Variants in PHACTR2 observed in about 807,000 individuals in gnomAD.
The protein encoded by PHACTR2 is chromosome 6 open reading frame 56.
PHACTR2 carries 30 observed loss-of-function variants against 76.0 expected under a neutral mutation model. The ratio of observed to expected loss-of-function variants is 0.39; its 90% CI spans 0.30 to 0.54. The LOEUF is 0.54. Among genes scored for constraint, PHACTR2 ranks in the 20% least tolerant of loss-of-function variants. The pLI is 0.61. For synonymous variants in PHACTR2, 292 were observed against 292.5 expected (o/e 1.00, Z 0.02); for missense variants, 696 against 781.1 (o/e 0.89, Z 1.30).
intron 1 of PHACTR2, among the ~76,000 whole-genome samples, chr6:143,637,290 T>C (rs540667855): frequency 2.4e-4 from 37 of 151,944 alleles, no homozygotes; most frequent in Non-Finnish European, 5.1e-4. Flanking sequence ...CTTTTGTTTT[T>C]CTAAGTTAAC....
In PHACTR2 at chr6:143,700,968, T is replaced by G. The variant is rs1777899061; in HGVS notation, c.47-11048T>G. On this transcript the variant is annotated intron_variant, in intron 1 of 12. Coordinates refer to ENST00000440869, the MANE Select transcript of PHACTR2 (RefSeq NM_001100164.2). This position sits in a 1 kb window ranked among gnomAD's most constrained non-coding sequence, Gnocchi z 4.1. ...GTTCATAGAGACAACCCTTCCCTTG[T>G]AGCGATAACAGTGGCATTCAAAACG... is the stretch of plus-strand genomic sequence containing the variant. Among the ~76,000 whole-genome samples the G allele has an allele frequency of 6.6e-6, 1 of 152,248 alleles. No individual in the cohort carries two copies. The highest frequency in any genetic ancestry group is 1.5e-5 in the Non-Finnish European group (1 of 68,044).
chr6:143,734,432 C>T (rs999044040), intron 2 of PHACTR2, among the ~76,000 whole-genome samples: 1 of 152,178 alleles, frequency 6.6e-6, no homozygotes, highest in Non-Finnish European at 1.5e-5. Flanking sequence ...GCACCATAGA[C>T]CTGACTAGTA....
chr6:143,540,007 T>A lies in PHACTR2; in HGVS notation c.217+2800T>A, dbSNP rs527563006. 5.3e-5 allele frequency among the ~76,000 whole-genome samples: 8 copies of A among 152,252 alleles called. No individual in the cohort carries two copies. In the South Asian group the frequency reaches 1.5e-3, roughly 28 times the overall value. On this transcript the variant is annotated intron_variant, in intron 1 of 11. Coordinates refer to the PHACTR2 transcript ENST00000367584. ...TTGAGAACTGCTGTCCTGTGCCATA[T>A]TATGTCACCCTGGCTTGCTGCCGTA...
At position 143,546,859 on chromosome 6, in the gene PHACTR2, C is replaced by CA. The variant is rs10541081; in HGVS notation, c.217+9666dup. 6.1e-4 allele frequency among the ~76,000 whole-genome samples: 85 copies of CA among 140,184 alleles called. No individual in the cohort carries two copies. The highest frequency in any genetic ancestry group is 1.4e-3 in the South Asian group (6 of 4,408). The allele number at this position is 140,184 out of a possible 152,430, so 92.0% of individuals were successfully genotyped here. A position where few individuals can be genotyped will look rare whatever the true frequency, so the allele number is the denominator to read the frequency against. On this transcript the variant is annotated intron_variant, in intron 1 of 11. Coordinates refer to the PHACTR2 transcript ENST00000367584. This position sits in a 1 kb window ranked among gnomAD's most constrained non-coding sequence, Gnocchi z 4.9. ...TGGGCAACATAGTGAGACCCCATCT[C>CA]AAAAAAAAAAAAAATAAAAAATAAA...
In PHACTR2 at chr6:143,596,656, T is replaced by C. The variant is rs1775759348; in HGVS notation, c.217+59449T>C. Among the ~76,000 whole-genome samples, 1 of 151,856 alleles carries C rather than the reference T, an allele frequency of 6.6e-6. No homozygotes were observed. The highest frequency in any genetic ancestry group is 1.5e-5 in the Non-Finnish European group (1 of 67,980). On this transcript the variant is annotated intron_variant, in intron 1 of 11. Transcript: ENST00000367584. This position sits in a 1 kb window ranked among gnomAD's most constrained non-coding sequence, Gnocchi z 4.6. Reference sequence around the variant, plus strand: ...TAGTTTGAGATCAGCCTGGGCAACATAGTGAGACCCCATTTTACTAAAAAT... The same window carrying C: ...TAGTTTGAGATCAGCCTGGGCAACACAGTGAGACCCCATTTTACTAAAAAT...
At chr6:143,812,363 G>A (rs971427406) in intron 12 of PHACTR2, among the ~76,000 whole-genome samples, 1 of 152,194 alleles carries the variant, frequency 6.6e-6, no homozygotes, top group Non-Finnish European at 1.5e-5. Flanking sequence ...CATTCTCTAA[G>A]TCCTTGTTTC....
At position 143,824,120 on chromosome 6, in the gene PHACTR2, A is replaced by G. The variant is rs1776486957; in HGVS notation, c.*431A>G. Reference sequence around the variant, plus strand: ...GAAAGAGAAATATTTCATTATGTTAATGAAGAAAAGAGAAAATTGAAGCAT... The same window carrying G: ...GAAAGAGAAATATTTCATTATGTTAGTGAAGAAAAGAGAAAATTGAAGCAT... On this transcript the variant is annotated 3_prime_UTR_variant, in exon 13 of 13. Transcript: ENST00000440869. The surrounding 1 kb of genome is among the most constrained non-coding windows in gnomAD (Gnocchi z 6.3). 6.4e-6 allele frequency: 1 copy of G among 156,062 alleles called. No homozygotes were observed. The highest frequency in any genetic ancestry group is 1.4e-5 in the Non-Finnish European group (1 of 70,396). The allele number at this position is 156,062 out of a possible 1,614,324, so 9.7% of individuals were successfully genotyped here.
rs1775700515 is a variant in PHACTR2, at chr6:143,791,935, A to C, written c.1845+3025A>C. Among the ~76,000 whole-genome samples the C allele has an allele frequency of 6.6e-6, 1 of 152,090 alleles. No individual in the cohort carries two copies. The highest frequency in any genetic ancestry group is 6.6e-5 in the Admixed American group (1 of 15,264). On this transcript the variant is annotated intron_variant, in intron 11 of 12. Transcript: ENST00000440869. The surrounding 1 kb of genome is among the most constrained non-coding windows in gnomAD (Gnocchi z 4.7). ...GCTTCAAATTTTCAGGGTACATTTC[A>C]TCACTCCCTGCCTATCCCCTTACTT... is the stretch of plus-strand genomic sequence containing the variant.
chr6:143,555,961 G>A (rs1775167687), intron 1 of PHACTR2, among the ~76,000 whole-genome samples: 1 of 141,318 alleles, frequency 7.1e-6, no homozygotes, highest in Non-Finnish European at 1.5e-5. Context: ...TCAAAAAAAT[G>A]ATCCTTTTAA....
rs756630750 is a variant in PHACTR2 at position 143,648,227 on chromosome 6, C to T, written c.13+39905C>T. Among the ~76,000 whole-genome samples, 3 of 152,168 alleles carry T rather than the reference C, an allele frequency of 2.0e-5. No homozygotes were observed. Among genetic ancestry groups the T allele is most frequent in the Non-Finnish European group, 4.4e-5 (3 of 68,026 alleles). ...TTCTGCAACTTCTTCCATGTGTCTA[C>T]TGCAAATTGTCTGAGAAGGGCAGGG... On this transcript the variant is annotated intron_variant, in intron 1 of 11. Coordinates refer to the PHACTR2 transcript ENST00000305766. This position sits in a 1 kb window ranked among gnomAD's most constrained non-coding sequence, Gnocchi z 6.7.
At position 143,577,458 on chromosome 6, in the gene PHACTR2, A is replaced by G. The variant is rs147491197; in HGVS notation, c.217+40251A>G. On this transcript the variant is annotated intron_variant, in intron 1 of 11. Coordinates refer to the PHACTR2 transcript ENST00000367584. Reference sequence around the variant, plus strand: ...GAGAAGGGAAACATTAAATAGTATTAAAGATTATGTAAGATTTTGACTTAG... The same window carrying G: ...GAGAAGGGAAACATTAAATAGTATTGAAGATTATGTAAGATTTTGACTTAG... Among the ~76,000 whole-genome samples the G allele has an allele frequency of 9.6e-3, 1,470 of 152,346 alleles. 30 individuals are homozygous for G. The highest frequency in any genetic ancestry group is 0.031 in the African/African-American group (1,297 of 41,568).
chr6:143,629,529 A>G (rs1776323855), intron 1 of PHACTR2, among the ~76,000 whole-genome samples: 1 of 152,164 alleles, frequency 6.6e-6, no homozygotes, highest in Non-Finnish European at 1.5e-5. Flanking sequence ...GTCCTTGAGT[A>G]TTGCGATGGA....
In PHACTR2 at chr6:143,722,026, T is replaced by A. The variant is rs1472933767; in HGVS notation, c.214+9843T>A. ...CACATTTTCAGTATTTAGAATTAAGTCTAGAATAGAATTTCATCTTACTTA... is the reference window on the plus strand; with the variant it reads ...CACATTTTCAGTATTTAGAATTAAGACTAGAATAGAATTTCATCTTACTTA... On this transcript the variant is annotated intron_variant, in intron 2 of 12. Coordinates refer to ENST00000440869, the MANE Select transcript of PHACTR2 (RefSeq NM_001100164.2). This position sits in a 1 kb window ranked among gnomAD's most constrained non-coding sequence, Gnocchi z 4.1. Among the ~76,000 whole-genome samples, 1 of 152,220 alleles carries A rather than the reference T, an allele frequency of 6.6e-6. No homozygotes were observed. The highest frequency in any genetic ancestry group is 2.4e-5 in the African/African-American group (1 of 41,450).
chr6:143,720,423 A>G (rs1778412936), intron 2 of PHACTR2, among the ~76,000 whole-genome samples: 2 of 152,150 alleles, frequency 1.3e-5, no homozygotes, highest in Non-Finnish European at 2.9e-5. Flanking sequence ...TGGGAAGGTA[A>G]CATTGAAGGA....
chr6:143,640,078 C>T (rs748005416), intron 1 of PHACTR2, among the ~76,000 whole-genome samples: 23 of 152,276 alleles, frequency 1.5e-4, no homozygotes, highest in Middle Eastern at 6.8e-3. Context: ...AGTTGTTGTG[C>T]TGTCATAGTG....
At chr6:143,701,326 G>A (rs1006596013) in intron 1 of PHACTR2, among the ~76,000 whole-genome samples, 1 of 152,132 alleles carries the variant, frequency 6.6e-6, no homozygotes, top group South Asian at 2.1e-4. Context: ...TTTAAAAATT[G>A]ATAGTATCAA....
chr6:143,762,109 T>A (rs929574703), intron 5 of PHACTR2, among the ~76,000 whole-genome samples: 24 of 152,236 alleles, frequency 1.6e-4, no homozygotes, highest in African/African-American at 5.8e-4. Flanking sequence ...TTTCTAGACT[T>A]CCTAGAAAAC....
chr6:143,818,530 A>G lies in PHACTR2; in HGVS notation c.1923-5144A>G, dbSNP rs1776348476. The stretch of plus-strand genomic sequence containing the variant: ...GGATTGTTATTATTATCTGTGTATT[A>G]GTCCATTCTCATGCTGTTATAAGGA... On this transcript the variant is annotated intron_variant, in intron 12 of 12. Transcript: ENST00000440869. This position sits in a 1 kb window ranked among gnomAD's most constrained non-coding sequence, Gnocchi z 4.9. Among the ~76,000 whole-genome samples, 1 of 152,244 alleles carries G rather than the reference A, an allele frequency of 6.6e-6. No homozygotes were observed. The highest frequency in any genetic ancestry group is 2.4e-5 in the African/African-American group (1 of 41,464).
Position 143,730,212 on chromosome 6 carries a change from C to CT in PHACTR2, c.214+18037dup, listed in dbSNP as rs947087613. Among the ~76,000 whole-genome samples, 7 of 151,776 alleles carry CT rather than the reference C, an allele frequency of 4.6e-5. No individual in the cohort carries two copies. The highest frequency in any genetic ancestry group is 2.1e-4 in the South Asian group (1 of 4,808). On this transcript the variant is annotated intron_variant, in intron 2 of 12. Transcript: ENST00000440869. The surrounding 1 kb of genome is among the most constrained non-coding windows in gnomAD (Gnocchi z 4.8). ...TTGTTGAAAAATTACTGCTGGGGTA[C>CT]TTTTTTTTGGCTAGGATTTTTATTT...
Sources: gnomAD v4.1 joint callset for allele counts (sites outside exome capture counted in the v4.1 genomes callset) on GRCh38, gnomAD v4.1.1 for gene constraint, Gnocchi (gnomAD v3.1) non-coding constraint, MANE v1.5 for transcripts, NCBI Gene and HGNC (gene_info 2026-07-23, HGNC 2026-07-21) for gene names.